Variants in CELF2 observed in about 807,000 individuals in gnomAD.
CELF2 encodes the protein CUGBP Elav-like family member 2, also known as CUG triplet repeat RNA-binding protein 2.
CELF2 carries 8 observed loss-of-function variants against 62.6 expected under a neutral mutation model. The observed-to-expected ratio is 0.13, with a 90% CI of 0.07 to 0.23. The LOEUF is 0.23. CELF2 is among the 10% of genes least tolerant of loss of function. The pLI is 1.00. For synonymous variants in CELF2, 258 were observed against 250.0 expected, an observed-to-expected ratio of 1.03 and a Z score of -0.30; for missense variants, 333 against 671.0, an observed-to-expected ratio of 0.50 and a Z score of 5.56.
the CELF2 span, among the ~76,000 whole-genome samples, chr10:10,613,282 A>T: frequency 6.6e-6 from 1 of 152,190 alleles, no homozygotes; most frequent in Non-Finnish European, 1.5e-5. Context: ...TGACAACATT[A>T]TGCCCAGAAA....
chr10:10,506,979 T>C, the CELF2 span, among the ~76,000 whole-genome samples: 3 of 152,084 alleles, frequency 2.0e-5, no homozygotes, highest in East Asian at 3.9e-4. Context: ...CCTGTGCATA[T>C]TAAAGCCACG....
intron 1 of CELF2, among the ~76,000 whole-genome samples, chr10:11,076,009 T>G (rs1594711783): frequency 6.6e-6 from 1 of 152,150 alleles, no homozygotes; most frequent in Non-Finnish European, 1.5e-5. Context: ...AAATACCAAT[T>G]AAGAACATTA....
chr10:11,234,163 T>A (rs1227152219), intron 3 of CELF2, among the ~76,000 whole-genome samples: 1 of 152,218 alleles, frequency 6.6e-6, no homozygotes, highest in Non-Finnish European at 1.5e-5. Context: ...CATTGTAATT[T>A]ACTGTGTCAC....
the CELF2 span, among the ~76,000 whole-genome samples, chr10:10,632,168 C>T: frequency 1.9e-4 from 29 of 152,146 alleles, no homozygotes; most frequent in Admixed American, 1.8e-3. Context: ...ACTAGAGAAG[C>T]TGTGATTTCT....
the CELF2 span, among the ~76,000 whole-genome samples, chr10:10,727,775 C>CA: frequency 2.3e-3 from 318 of 139,184 alleles, no homozygotes; most frequent in African/African-American, 6.6e-3. Flanking sequence ...GACTCTGTCT[C>CA]AAAAAAAAAA....
At chr10:11,054,442 G>C (rs2064697549) in intron 1 of CELF2, among the ~76,000 whole-genome samples, 1 of 151,336 alleles carries the variant, frequency 6.6e-6, no homozygotes. Context: ...TCTATCATCA[G>C]TTTTCATCAT....
At chr10:11,289,523 C>T (rs1375792086) in intron 9 of CELF2, among the ~76,000 whole-genome samples, 1 of 152,204 alleles carries the variant, frequency 6.6e-6, no homozygotes, top group Non-Finnish European at 1.5e-5. Context: ...TGCCCTTTGT[C>T]TCTGCATAAA....
At chr10:11,325,666 C>G (rs899921872) in intron 11 of CELF2, among the ~76,000 whole-genome samples, 170 bp from the exon 12 acceptor site, 1 of 152,238 alleles carries the variant, frequency 6.6e-6, no homozygotes, top group Non-Finnish European at 1.5e-5. Flanking sequence ...TCAGGAAAAT[C>G]TGAAGGATGA....
At chr10:11,130,730 C>G (rs1156592843) in intron 1 of CELF2, among the ~76,000 whole-genome samples, 2 of 152,134 alleles carry the variant, frequency 1.3e-5, no homozygotes. Flanking sequence ...ATATGCTATG[C>G]CAATAATTGT....
chr10:10,576,756 C>T, the CELF2 span, among the ~76,000 whole-genome samples: 11 of 152,186 alleles, frequency 7.2e-5, no homozygotes, highest in African/African-American at 2.2e-4. Flanking sequence ...CATTCTTCAT[C>T]CACTTCCCAT....
chr10:10,522,637 T>A, the CELF2 span, among the ~76,000 whole-genome samples: 5 of 152,192 alleles, frequency 3.3e-5, no homozygotes, highest in African/African-American at 1.2e-4. Flanking sequence ...TGGCGCAATC[T>A]TGGCTCACAG....
At chr10:10,682,079 T>G in the CELF2 span, among the ~76,000 whole-genome samples, 1 of 152,204 alleles carries the variant, frequency 6.6e-6, no homozygotes, top group Non-Finnish European at 1.5e-5. Flanking sequence ...TCTTTACCTC[T>G]CATTCAATTG....
At chr10:10,611,450 C>T in the CELF2 span, among the ~76,000 whole-genome samples, 704 of 152,278 alleles carry the variant, frequency 4.6e-3, 2 homozygotes, top group African/African-American at 0.016. Context: ...GAAAATGTGG[C>T]CTCCTTTTTG....
chr10:10,567,158 G>A, the CELF2 span, among the ~76,000 whole-genome samples: 1 of 152,176 alleles, frequency 6.6e-6, no homozygotes, highest in African/African-American at 2.4e-5. Context: ...TAGATTCAGT[G>A]ACTAAACATT....
At chr10:11,198,702 G>A (rs919896885) in intron 2 of CELF2, among the ~76,000 whole-genome samples, 1 of 152,208 alleles carries the variant, frequency 6.6e-6, no homozygotes, top group Non-Finnish European at 1.5e-5. Context: ...ACCCAGAAGG[G>A]CATGGTCAAG....
chr10:10,623,347 G>A, the CELF2 span, among the ~76,000 whole-genome samples: 1 of 152,160 alleles, frequency 6.6e-6, no homozygotes, highest in Admixed American at 6.5e-5. Context: ...AGGGCAGTTG[G>A]CAAGTTGATT....
chr10:10,969,786 C>T (rs74736643), intron 2 of CELF2, among the ~76,000 whole-genome samples: 82 of 152,280 alleles, frequency 5.4e-4, no homozygotes, highest in South Asian at 1.9e-3. Flanking sequence ...CCCACATAAA[C>T]GAAGGTGTTT....
chr10:10,702,792 G>A, the CELF2 span, among the ~76,000 whole-genome samples: 1 of 152,156 alleles, frequency 6.6e-6, no homozygotes, highest in Non-Finnish European at 1.5e-5. Flanking sequence ...CGCCATGTTG[G>A]CCACACTGGT....
At chr10:10,805,317 C>A (rs1341586159) in intron 1 of CELF2, among the ~76,000 whole-genome samples, 2 of 152,174 alleles carry the variant, frequency 1.3e-5, no homozygotes, top group African/African-American at 4.8e-5. Context: ...CTAGTTACTA[C>A]TTTTTCTTGA....
Sources: gnomAD v4.1 joint callset for allele counts (sites outside exome capture counted in the v4.1 genomes callset) on GRCh38, gnomAD v4.1.1 for gene constraint, MANE v1.5 for transcripts, NCBI Gene and HGNC (gene_info 2026-07-23, HGNC 2026-07-21) for gene names.